ZNF837: variants seen among roughly 807,000 people sequenced by gnomAD.
ZNF837 encodes zinc finger protein 837.
For synonymous variants in ZNF837, 475 were observed against 365.2 expected (o/e 1.30, Z -3.43); for missense variants, 955 against 801.7 (o/e 1.19, Z -2.31).
At chr19:58,370,208 G>C (rs1434270714) in intron 1 of ZNF837, among the ~76,000 whole-genome samples, 1 of 152,158 alleles carries the variant, frequency 6.6e-6, no homozygotes. Flanking sequence ...AGAAGCTCTT[G>C]GGGAGGACGT....
Position 58,368,610 on chromosome 19 carries a change from C to G in ZNF837, c.723G>C (p.Gln241His), listed in dbSNP as rs775360094. The G allele has an allele frequency of 6.7e-7, 1 of 1,483,074 alleles. No individual in the cohort carries two copies. Among genetic ancestry groups the G allele is most frequent in the South Asian group, 1.2e-5 (1 of 82,360 alleles). 91.9% of individuals were successfully genotyped at this position (1,483,074 alleles called of 1,614,324 possible). A position where few individuals can be genotyped will look rare whatever the true frequency, so the allele number is the denominator to read the frequency against. The change falls in exon 3 of 3, where the codon CAG becomes CAC. Residue 241 changes from glutamine to histidine, a missense_variant. Gln to His is a conservative substitution (Grantham distance 24). Coordinates refer to ENST00000597582, the MANE Select transcript of ZNF837 (RefSeq NM_138466.2). ...GACACACTGGGGGACTCTTGCCCGCCTGCTGCTGCTGGTTGGGGCGGAAGC... is the reference window on the plus strand; with the variant it reads ...GACACACTGGGGGACTCTTGCCCGCGTGCTGCTGCTGGTTGGGGCGGAAGC... ...GKRFRPNQQQ[Q>H]AGKSPPVCPE...
intron 1 of ZNF837, among the ~76,000 whole-genome samples, chr19:58,376,212 G>A (rs903930661): frequency 3.9e-5 from 6 of 152,082 alleles, no homozygotes; most frequent in Non-Finnish European, 7.4e-5. Context: ...AAGCCACTGC[G>A]CCCGGCCGAA....
At chr19:58,380,163 C>G (rs1008246263) in intron 1 of ZNF837, among the ~76,000 whole-genome samples, 6 of 152,184 alleles carry the variant, frequency 3.9e-5, no homozygotes, top group African/African-American at 1.2e-4. Flanking sequence ...GACACAGACT[C>G]TAGCCCCTAT....
Position 58,369,233 on chromosome 19 carries a change from G to A in ZNF837, c.100C>T (p.Pro34Ser). Reference protein sequence around the residue: ...AREKRPEEPRPLEEDRAGSRP... With the variant: ...AREKRPEEPRSLEEDRAGSRP... ...CTCCCAGCTCGGTCCTCTTCGAGGG[G>A]CCTCGGCTCCTCGGGCCTCTTCTCC... Residue 34 changes from proline to serine, a missense_variant, in exon 3 of 3, where the codon CCC becomes TCC. Transcript: ENST00000597582. 3 of 1,428,394 alleles carry A rather than the reference G, an allele frequency of 2.1e-6. No homozygotes were observed. Among genetic ancestry groups the A allele is most frequent in the Non-Finnish European group, 2.7e-6 (3 of 1,094,500 alleles). 88.5% of individuals were successfully genotyped at this position (1,428,394 alleles called of 1,614,324 possible). A position where few individuals can be genotyped will look rare whatever the true frequency, so the allele number is the denominator to read the frequency against.
chr19:58,372,464 G>A (rs1194244735), intron 1 of ZNF837, among the ~76,000 whole-genome samples: 1 of 152,114 alleles, frequency 6.6e-6, no homozygotes, highest in Non-Finnish European at 1.5e-5. Flanking sequence ...TCAAGAGATC[G>A]AGACCATCCT....
intron 2 of ZNF837, 48 bp from the exon 3 acceptor site, chr19:58,369,409 G>A (rs2052179987): frequency 3.0e-6 from 4 of 1,313,998 alleles, no homozygotes; most frequent in Non-Finnish European, 3.9e-6. Flanking sequence ...CAGGAGGAGA[G>A]AAGTGGAGAA....
Position 58,368,362 on chromosome 19 carries a change from T to C in ZNF837, c.971A>G (p.Glu324Gly). The C allele has an allele frequency of 6.5e-7, 1 of 1,528,998 alleles. No homozygotes were observed. The highest frequency in any genetic ancestry group is 8.7e-7 in the Non-Finnish European group (1 of 1,143,018). The allele number at this position is 1,528,998 out of a possible 1,614,324, so 94.7% of individuals were successfully genotyped here. A position where few individuals can be genotyped will look rare whatever the true frequency, so the allele number is the denominator to read the frequency against. The change falls in exon 3 of 3, where the codon GAG becomes GGG. Residue 324 changes from glutamate to glycine, a missense_variant. Coordinates refer to ENST00000597582, the MANE Select transcript of ZNF837 (RefSeq NM_138466.2). Reference protein sequence around the residue: ...LYRHQKTHSAERHRRGPVLAR... With the variant: ...LYRHQKTHSAGRHRRGPVLAR... ...CAGGACGGGGCCACGCCGGTGGCGCTCGGCCGAGTGCGTCTTCTGGTGGCG... is the reference window on the plus strand; with the variant it reads ...CAGGACGGGGCCACGCCGGTGGCGCCCGGCCGAGTGCGTCTTCTGGTGGCG...
At chr19:58,380,718 G>A (rs1459151787) in intron 1 of ZNF837, among the ~76,000 whole-genome samples, 1 of 152,226 alleles carries the variant, frequency 6.6e-6, no homozygotes, top group Non-Finnish European at 1.5e-5. Flanking sequence ...GAAACGCGGG[G>A]GCCAGAACTA....
At position 58,368,413 on chromosome 19, in the gene ZNF837, G is replaced by T; in HGVS notation, c.920C>A (p.Ala307Asp). 1 of 1,547,362 alleles carries T rather than the reference G, an allele frequency of 6.5e-7. No individual in the cohort carries two copies. ...RPYECAECGK[A>D]FVRCSGLYRH... ...GTACAGGCCGGAGCAGCGCACGAAGGCCTTGCCGCACTCGGCGCACTCGTA... is the reference window on the plus strand; with the variant it reads ...GTACAGGCCGGAGCAGCGCACGAAGTCCTTGCCGCACTCGGCGCACTCGTA... Residue 307 changes from alanine (A) to aspartate (D), a missense_variant, in exon 3 of 3, where the codon GCC becomes GAC. Physicochemically the swap from Ala to Asp is moderately radical, Grantham distance 126. Coordinates refer to ENST00000597582, the MANE Select transcript of ZNF837 (RefSeq NM_138466.2).
At chr19:58,374,882 G>A (rs766127658) in intron 1 of ZNF837, among the ~76,000 whole-genome samples, 24 of 151,064 alleles carry the variant, frequency 1.6e-4, no homozygotes, top group African/African-American at 4.4e-4. Flanking sequence ...GCAGTGAGCC[G>A]AGATCGCACC....
chr19:58,371,409 AAAAT>A (rs762304868), intron 1 of ZNF837, among the ~76,000 whole-genome samples: 8 of 152,262 alleles, frequency 5.3e-5, no homozygotes, highest in African/African-American at 1.7e-4. Flanking sequence ...CTCCGTCTCA[AAAAT>A]AAATAAATAA....
chr19:58,370,661 C>T (rs571836091), intron 1 of ZNF837, among the ~76,000 whole-genome samples: 2 of 151,822 alleles, frequency 1.3e-5, no homozygotes, highest in South Asian at 2.1e-4. Context: ...TTTGGGAGGC[C>T]GAGGCAGATG....
chr19:58,374,057 A>G (rs1197186904), intron 1 of ZNF837, among the ~76,000 whole-genome samples: 1 of 152,196 alleles, frequency 6.6e-6, no homozygotes, highest in African/African-American at 2.4e-5. Context: ...ACATGGCAAA[A>G]AAGAGGAAAG....
rs1375775929 is a variant in ZNF837 at position 58,367,688 on chromosome 19, T to G, written c.*49A>C. 1.4e-6 allele frequency: 2 copies of G among 1,448,798 alleles called. No individual in the cohort carries two copies. The highest frequency in any genetic ancestry group is 1.8e-6 in the Non-Finnish European group (2 of 1,106,406). 89.7% of individuals were successfully genotyped at this position (1,448,798 alleles called of 1,614,324 possible). ...GGTTTTCCGGGACAAAGGCCCCTCC[T>G]CGACGCAGGGTTCGCTTGGGCGACG... is the stretch of plus-strand genomic sequence containing the variant. On this transcript the variant is annotated 3_prime_UTR_variant, in exon 3 of 3. Transcript: ENST00000597582.
In ZNF837 at chr19:58,369,174, C is replaced by G. The variant is rs1352452920; in HGVS notation, c.159G>C (p.Ala53=). ...CTGGGGGAGTCGTCCTACCGCCCGC[C>G]GCTCCACGCAGGTCCCCCTTTTGAG... ...RPTQKGDLRG[A]AGGRTTPPGG... The change falls in exon 3 of 3, where the codon GCG becomes GCC. Residue 53 remains alanine, a synonymous_variant. Coordinates refer to ENST00000597582, the MANE Select transcript of ZNF837 (RefSeq NM_138466.2). 4 of 1,451,334 alleles carry G rather than the reference C, an allele frequency of 2.8e-6. No homozygotes were observed. The highest frequency in any genetic ancestry group is 1.5e-5 in the African/African-American group (1 of 68,052). 89.9% of individuals were successfully genotyped at this position (1,451,334 alleles called of 1,614,324 possible).
chr19:58,379,697 G>C (rs1212830773), intron 1 of ZNF837, among the ~76,000 whole-genome samples: 1 of 152,174 alleles, frequency 6.6e-6, no homozygotes, highest in Non-Finnish European at 1.5e-5. Context: ...ACCAATTTAG[G>C]GGGACTGAGA....
rs1184922529 is a variant in ZNF837, at chr19:58,377,919, T to C, written c.-140+3022A>G. The stretch of plus-strand genomic sequence containing the variant: ...GGCGTTTCTCACAGGTGTCGGCTTC[T>C]CTCTCTCGAGTCCATCTGCTGGCCG... On this transcript the variant is annotated intron_variant, in intron 1 of 2. Coordinates refer to ENST00000597582, the MANE Select transcript of ZNF837 (RefSeq NM_138466.2). 2.0e-5 allele frequency among the ~76,000 whole-genome samples: 3 copies of C among 152,306 alleles called. No homozygotes were observed. In the East Asian group the frequency reaches 5.8e-4, roughly 29 times the overall value.
At chr19:58,369,396 T>TCCCA in intron 2 of ZNF837, 35 bp from the exon 3 acceptor site, 1 of 1,312,794 alleles carries the variant, frequency 7.6e-7, no homozygotes, top group Non-Finnish European at 9.7e-7. Context: ...GGTTGGCGGT[T>TCCCA]CCCAGGAGGA....
In ZNF837 at chr19:58,375,298, ATATATATATATAT is replaced by A. The variant is rs1568568368; in HGVS notation, c.-139-5383_-139-5371del. Among the ~76,000 whole-genome samples the A allele has an allele frequency of 2.3e-3, 223 of 95,698 alleles. 10 individuals are homozygous for A. Among genetic ancestry groups the A allele is most frequent in the African/African-American group, 7.4e-3 (212 of 28,772 alleles). The allele number at this position is 95,698 out of a possible 152,430, so 62.8% of individuals were successfully genotyped here. A position where few individuals can be genotyped will look rare whatever the true frequency, so the allele number is the denominator to read the frequency against. Reference sequence around the variant, plus strand: ...TATATATATATATATATATATATATATATATATATATATAAAATTACATATATACTTAAGAGTA... The same window carrying A: ...TATATATATATATATATATATATATAAAAATTACATATATACTTAAGAGTA... On this transcript the variant is annotated intron_variant, in intron 1 of 2. Transcript: ENST00000597582.
Sources: gnomAD v4.1 joint callset for allele counts (sites outside exome capture counted in the v4.1 genomes callset) on GRCh38, gnomAD v4.1.1 for gene constraint, MANE v1.5 for transcripts, NCBI Gene and HGNC (gene_info 2026-07-23, HGNC 2026-07-21) for gene names.